Variants in SDCCAG8 observed in about 807,000 individuals in gnomAD.
SDCCAG8 encodes the protein SHH signaling and ciliogenesis regulator SDCCAG8.
In SDCCAG8, 74 loss-of-function variants were observed where a neutral mutation model predicts 101.8. The ratio of observed to expected loss-of-function variants is 0.73; its 90% CI spans 0.60 to 0.88. The LOEUF is 0.88. Among genes scored for constraint, SDCCAG8 ranks in the 40% least tolerant of loss-of-function variants. The pLI is 0.00. For missense variants in SDCCAG8, 787 were observed against 822.6 expected (o/e 0.96, Z 0.53); for synonymous variants, 281 against 292.9 (o/e 0.96, Z 0.41).
At chr1:243,286,224 A>G (rs764435907) in intron 4 of SDCCAG8, 48 bp from the exon 5 acceptor site, 9 of 1,593,462 alleles carry the variant, frequency 5.6e-6, no homozygotes, top group South Asian at 5.5e-5. Flanking sequence ...TCAACAAATA[A>G]AAACACTGCT....
At chr1:243,382,343 C>G (rs544181366) in intron 13 of SDCCAG8, among the ~76,000 whole-genome samples, 1 of 152,044 alleles carries the variant, frequency 6.6e-6, no homozygotes, top group Non-Finnish European at 1.5e-5. Context: ...CAATTGCAAC[C>G]CATGGGTCAA....
chr1:243,277,027 A>G (rs1219436931), intron 4 of SDCCAG8, among the ~76,000 whole-genome samples: 2 of 152,200 alleles, frequency 1.3e-5, no homozygotes, highest in Admixed American at 6.5e-5. Context: ...TGAATATACC[A>G]TAGCTTTTTT....
In SDCCAG8 at chr1:243,289,544, C is replaced by G. The variant is rs76063015; in HGVS notation, c.546+3147C>G. On this transcript the variant is annotated intron_variant, in intron 5 of 17. Coordinates refer to ENST00000366541, the MANE Select transcript of SDCCAG8 (RefSeq NM_006642.5). ...CTACATGGTTATAATGTGCGAGGCACTGTGTCAAACTATTTACGTTATATT... is the reference window on the plus strand; with the variant it reads ...CTACATGGTTATAATGTGCGAGGCAGTGTGTCAAACTATTTACGTTATATT... Among the ~76,000 whole-genome samples, 944 of 152,302 alleles carry G rather than the reference C, an allele frequency of 6.2e-3. 15 individuals are homozygous for G. The highest frequency in any genetic ancestry group is 0.022 in the African/African-American group (908 of 41,554).
chr1:243,453,101 ACT>A (rs1330950084), intron 16 of SDCCAG8, among the ~76,000 whole-genome samples: 1 of 152,076 alleles, frequency 6.6e-6, no homozygotes, highest in African/African-American at 2.4e-5. Context: ...TTATCTTATG[ACT>A]CTCCTTTTCC....
chr1:243,425,311 G>A (rs1161724806), intron 15 of SDCCAG8, among the ~76,000 whole-genome samples: 2 of 152,134 alleles, frequency 1.3e-5, no homozygotes, highest in East Asian at 3.8e-4. Context: ...ATCAGGGCAA[G>A]CTTCCTTTTG....
intron 13 of SDCCAG8, among the ~76,000 whole-genome samples, chr1:243,381,720 C>T (rs1476225757): frequency 6.6e-6 from 1 of 152,124 alleles, no homozygotes; most frequent in Non-Finnish European, 1.5e-5. Context: ...TGGTCCTAGG[C>T]ATAGAGAGAA....
intron 16 of SDCCAG8, among the ~76,000 whole-genome samples, chr1:243,481,799 C>T (rs372827953): frequency 6.6e-6 from 1 of 152,124 alleles, no homozygotes; most frequent in Non-Finnish European, 1.5e-5. Flanking sequence ...AAACCCAAAA[C>T]AAAACCCCAA....
chr1:243,331,724 C>T (rs2074607903), intron 10 of SDCCAG8, among the ~76,000 whole-genome samples: 1 of 152,164 alleles, frequency 6.6e-6, no homozygotes, highest in African/African-American at 2.4e-5. Flanking sequence ...TCCAGGTCTT[C>T]GGTGTCCACG....
chr1:243,418,625 T>C (rs894305542), intron 15 of SDCCAG8, among the ~76,000 whole-genome samples: 4 of 152,176 alleles, frequency 2.6e-5, no homozygotes, highest in Non-Finnish European at 5.9e-5. Context: ...ATCCATTGAT[T>C]GGAATCTTAA....
At chr1:243,380,523 C>A (rs763381039) in intron 13 of SDCCAG8, among the ~76,000 whole-genome samples, 2 of 152,022 alleles carry the variant, frequency 1.3e-5, no homozygotes, top group Non-Finnish European at 2.9e-5. Context: ...AGTCAAAGTC[C>A]GTAGAGAGTT....
At chr1:243,348,202 A>ATTTTTTTTT (rs74162279) in intron 12 of SDCCAG8, among the ~76,000 whole-genome samples, 43 of 131,614 alleles carry the variant, frequency 3.3e-4, no homozygotes, top group African/African-American at 4.9e-4. Context: ...CGCCCGGCTA[A>ATTTTTTTTT]TTTTTTTTTT....
At chr1:243,329,551 C>G (rs1364950648) in intron 9 of SDCCAG8, among the ~76,000 whole-genome samples, 1 of 152,090 alleles carries the variant, frequency 6.6e-6, no homozygotes, top group Non-Finnish European at 1.5e-5. Context: ...ACCTGGGGTT[C>G]TTTCTACCAT....
chr1:243,274,996 C>G (rs563637170), intron 4 of SDCCAG8, among the ~76,000 whole-genome samples: 1 of 152,326 alleles, frequency 6.6e-6, no homozygotes, highest in South Asian at 2.1e-4. Flanking sequence ...AATCATTCTC[C>G]CATACTTGTC....
intron 13 of SDCCAG8, among the ~76,000 whole-genome samples, chr1:243,390,604 A>G (rs1175366193): frequency 6.6e-6 from 1 of 152,118 alleles, no homozygotes; most frequent in African/African-American, 2.4e-5. Context: ...GTGAAGCCCA[A>G]ATGTGAATGC....
chr1:243,421,537 T>C lies in SDCCAG8; in HGVS notation c.1853+3461T>C, dbSNP rs1288090970. 2.0e-5 allele frequency among the ~76,000 whole-genome samples: 3 copies of C among 152,186 alleles called. No homozygotes were observed. In the East Asian group the frequency reaches 5.8e-4, roughly 29 times the overall value. Reference sequence around the variant, plus strand: ...TGCTTCTGTTTTCTGGAAGCCTCCATAGTGATTAGCACAGTAGTTTGCGCG... The same window carrying C: ...TGCTTCTGTTTTCTGGAAGCCTCCACAGTGATTAGCACAGTAGTTTGCGCG... On this transcript the variant is annotated intron_variant, in intron 15 of 17. Coordinates refer to ENST00000366541, the MANE Select transcript of SDCCAG8 (RefSeq NM_006642.5).
chr1:243,298,569 G>A (rs749096758), intron 6 of SDCCAG8, among the ~76,000 whole-genome samples: 13 of 151,816 alleles, frequency 8.6e-5, no homozygotes, highest in Non-Finnish European at 2.9e-5. Flanking sequence ...CACCTGCCTC[G>A]GCCTCCCAAA....
At chr1:243,311,100 G>A (rs1447664008) in intron 8 of SDCCAG8, among the ~76,000 whole-genome samples, 4 of 152,130 alleles carry the variant, frequency 2.6e-5, no homozygotes, top group African/African-American at 4.8e-5. Flanking sequence ...TCAAGTACAT[G>A]CATAATGGGG....
chr1:243,258,650 C>T (rs2066951330), intron 1 of SDCCAG8, among the ~76,000 whole-genome samples: 1 of 152,140 alleles, frequency 6.6e-6, no homozygotes, highest in African/African-American at 2.4e-5. Context: ...AGTGATCCGC[C>T]CACTTCAGCC....
intron 12 of SDCCAG8, among the ~76,000 whole-genome samples, chr1:243,356,157 G>A (rs528710312): frequency 2.0e-5 from 3 of 152,172 alleles, no homozygotes; most frequent in South Asian, 2.1e-4. Flanking sequence ...TTTTAAAGGC[G>A]GCGTCAACAC....
Sources: allele counts gnomAD v4.1 joint callset (sites outside exome capture counted in the v4.1 genomes callset), GRCh38; gene constraint gnomAD v4.1.1; transcripts MANE v1.5; gene names NCBI Gene and HGNC (gene_info 2026-07-23, HGNC 2026-07-21).